GNPTG: variants seen among roughly 807,000 people sequenced by gnomAD.
GNPTG encodes N-acetylglucosamine-1-phosphate transferase subunit gamma.
In GNPTG, 46 loss-of-function variants were observed where a neutral mutation model predicts 43.8. The observed-to-expected ratio is 1.05, with a 90% CI of 0.83 to 1.34. The LOEUF (loss-of-function observed/expected upper bound fraction) is 1.34. Among genes scored for constraint, GNPTG ranks in the 40% most tolerant of loss-of-function variants. The probability of loss-of-function intolerance (pLI) is 0.00; values close to 1 mark genes in which losing one functional copy is unlikely to be tolerated. For synonymous variants in GNPTG, 250 were observed against 172.8 expected (o/e 1.45, Z -3.50); for missense variants, 549 against 411.3 (o/e 1.33, Z -2.90).
intron 3 of GNPTG, among the ~76,000 whole-genome samples, chr16:1,356,311 A>G (rs1289138688): frequency 2.6e-5 from 4 of 152,138 alleles, no homozygotes; most frequent in Non-Finnish European, 1.5e-5. Flanking sequence ...CGGAGCCTGC[A>G]GGGGACGTGC....
In GNPTG at chr16:1,354,896, G is replaced by A. The variant is rs1266715517; in HGVS notation, c.178+2590G>A. On this transcript the variant is annotated intron_variant, in intron 3 of 10. Coordinates refer to ENST00000204679, the MANE Select transcript of GNPTG (RefSeq NM_032520.5). ...TAGGGCTGGGCGTGGATACTCCCCC[G>A]CGTCTGTAGGGCCGGGCGTGGATTG... is the stretch of plus-strand genomic sequence containing the variant. Among the ~76,000 whole-genome samples the A allele has an allele frequency of 3.3e-5, 5 of 152,010 alleles. No homozygotes were observed. In the East Asian group the frequency reaches 7.7e-4, roughly 23 times the overall value.
In GNPTG at chr16:1,362,249, C is replaced by T. The variant is rs773268405; in HGVS notation, c.455C>T (p.Ser152Phe). 8.7e-6 allele frequency: 14 copies of T among 1,613,516 alleles called. No homozygotes were observed. The South Asian group carries it at 1.3e-4, about 15-fold the overall frequency. The change falls in exon 7 of 11, where the codon TCC (serine) becomes TTC (phenylalanine). Residue 152 changes from serine to phenylalanine, a missense_variant. By Grantham distance (155) the Ser-to-Phe change is radical (BLOSUM62 -2). Coordinates refer to ENST00000204679, the MANE Select transcript of GNPTG (RefSeq NM_032520.5). Reference sequence around the variant, plus strand: ...AAAAGCAACCGGCTGGCCCATGTGTCCGAGCCGAGCACCTGCGTCTACGCG... The same window carrying T: ...AAAAGCAACCGGCTGGCCCATGTGTTCGAGCCGAGCACCTGCGTCTACGCG... The part of the protein sequence containing the change: ...CGKSNRLAHV[S>F]EPSTCVYALT...
Position 1,352,158 on chromosome 16 carries a change from G to C in GNPTG, c.109G>C (p.Gly37Arg). The C allele has an allele frequency of 6.3e-7, 1 of 1,577,814 alleles. No homozygotes were observed. The highest frequency in any genetic ancestry group is 1.2e-5 in the South Asian group (1 of 86,470). Residue 37 changes from glycine (G) to arginine (R), a missense_variant and splice_region_variant, in exon 2 of 11, where the codon GGG becomes CGG. Transcript: ENST00000204679. ...MKVVEEPNAFGVNNPFLPQAS... is the reference protein window; with the variant it reads ...MKVVEEPNAFRVNNPFLPQAS... ...GGTGGTGGAGGAGCCCAACGCGTTT[G>C]GGTGAGCAGCCTCGCGGGCTGGCGG...
At position 1,363,336 on chromosome 16, in the gene GNPTG, A is replaced by ATGAT. The variant is rs1176558576; in HGVS notation, c.*247_*250dup. Reference sequence around the variant, plus strand: ...ACTTTAAACAGTTCGCTACAAGTAAATGATTATAAATACTACCTTCTGGGT... The same window carrying ATGAT: ...ACTTTAAACAGTTCGCTACAAGTAAATGATTGATTATAAATACTACCTTCTGGGT... On this transcript the variant is annotated 3_prime_UTR_variant, in exon 11 of 11. Transcript: ENST00000204679. The ATGAT allele has an allele frequency of 7.9e-6, 4 of 506,744 alleles. No homozygotes were observed. In the East Asian group the frequency reaches 1.5e-4, roughly 18 times the overall value. The allele number at this position is 506,744 out of a possible 1,614,324, so 31.4% of individuals were successfully genotyped here. A position where few individuals can be genotyped will look rare whatever the true frequency, so the allele number is the denominator to read the frequency against.
At position 1,352,236 on chromosome 16, in the gene GNPTG, T is replaced by C. The variant is rs753223909; in HGVS notation, c.111-3T>C. On this transcript the variant is annotated splice_region_variant and splice_polypyrimidine_tract_variant and intron_variant, in intron 2 of 10. Transcript: ENST00000204679. ...TCCCCGCTGACCTTGCCGCTTCCCG[T>C]AGGGTGAACAACCCGTTCTTGCCTC... 3 of 1,549,120 alleles carry C rather than the reference T, an allele frequency of 1.9e-6. No individual in the cohort carries two copies. The highest frequency in any genetic ancestry group is 3.9e-5 in the Admixed American group (2 of 51,026).
intron 3 of GNPTG, among the ~76,000 whole-genome samples, chr16:1,356,572 G>A (rs1039244045): frequency 6.6e-6 from 1 of 152,180 alleles, no homozygotes; most frequent in African/African-American, 2.4e-5. Context: ...ACTGCCAGTT[G>A]GGGGCTTGTG....
In GNPTG at chr16:1,361,804, G is replaced by T. The variant is rs9926432; in HGVS notation, c.233+7G>T. On this transcript the variant is annotated splice_region_variant and intron_variant, in intron 4 of 10. Coordinates refer to ENST00000204679, the MANE Select transcript of GNPTG (RefSeq NM_032520.5). ...TCAGCCTGGTGGAGTCCACGTGAGT[G>T]CAGGGTGGGTGCGAGGGTGGGCTGG... The T allele has an allele frequency of 2.7e-3, 4,334 of 1,613,938 alleles. 107 individuals are homozygous for T. The African/African-American group carries it at 0.047, about 18-fold the overall frequency.
intron 10 of GNPTG, 44 bp from the exon 11 acceptor site, chr16:1,362,953 A>C (rs1343535465): frequency 4.3e-6 from 7 of 1,613,828 alleles, no homozygotes; most frequent in Middle Eastern, 1.6e-4. Context: ...CACACTCGCC[A>C]CCTGTGGGTC....
In GNPTG at chr16:1,351,954, C is replaced by G. The variant is rs1215811678; in HGVS notation, c.-12C>G. ...TCACTTCACGTGACCGCGCGGCGGC[C>G]GCTGCGGCGCGATGGCGGCGGGGCT... On this transcript the variant is annotated 5_prime_UTR_variant, in exon 1 of 11. Coordinates refer to ENST00000204679, the MANE Select transcript of GNPTG (RefSeq NM_032520.5). 1.2e-5 allele frequency: 16 copies of G among 1,285,666 alleles called. No individual in the cohort carries two copies. Among genetic ancestry groups the G allele is most frequent in the Non-Finnish European group, 1.5e-5 (15 of 1,022,846 alleles). The allele number at this position is 1,285,666 out of a possible 1,614,324, so 79.6% of individuals were successfully genotyped here.
rs1555452081 is a variant in GNPTG at position 1,362,834 on chromosome 16, G to T, written c.751G>T (p.Glu251Ter). The change falls in exon 10 of 11, where the codon GAA (glutamate) becomes TAA (stop). Residue 251 changes from glutamate to a stop codon, truncating the protein, a stop_gained. Transcript: ENST00000204679. LOFTEE classifies it high-confidence loss of function. ...TTTTTGTGGTTGGTAGGCTCATAAA[G>T]AACTCTCAAAGGAGATCAAAAGGCT... ...TLENCRKAHK[E>*]LSKEIKRLKG... 1.2e-6 allele frequency: 2 copies of T among 1,613,990 alleles called. No homozygotes were observed. The highest frequency in any genetic ancestry group is 1.7e-6 in the Non-Finnish European group (2 of 1,180,012).
intron 3 of GNPTG, among the ~76,000 whole-genome samples, chr16:1,354,895 C>T (rs1198142143): frequency 2.0e-5 from 3 of 151,886 alleles, no homozygotes; most frequent in Admixed American, 2.0e-4. Context: ...GATACTCCCC[C>T]GCGTCTGTAG....
chr16:1,363,053 C>T lies in GNPTG; in HGVS notation c.880C>T (p.Gln294Ter), dbSNP rs780260521. The T allele has an allele frequency of 1.9e-6, 3 of 1,614,008 alleles. No homozygotes were observed. The highest frequency in any genetic ancestry group is 3.3e-5 in the Admixed American group (2 of 60,020). ...HETPRAKSPE[Q>*]LRGDPGLRGS... ...GACGCCCAGAGCCAAGTCTCCAGAGCAGCTGCGGGGTGACCCAGGACTGCG... is the reference window on the plus strand; with the variant it reads ...GACGCCCAGAGCCAAGTCTCCAGAGTAGCTGCGGGGTGACCCAGGACTGCG... Residue 294 changes from glutamine (Q) to a stop codon, truncating the protein, a stop_gained, in exon 11 of 11, where the codon CAG (glutamine) becomes TAG (stop). Coordinates refer to ENST00000204679, the MANE Select transcript of GNPTG (RefSeq NM_032520.5). LOFTEE classifies it high-confidence loss of function.
chr16:1,351,977 G>T lies in GNPTG; in HGVS notation c.12G>T (p.Gly4=). Residue 4 remains glycine, a synonymous_variant, in exon 1 of 11, where the codon GGG becomes GGT. Coordinates refer to ENST00000204679, the MANE Select transcript of GNPTG (RefSeq NM_032520.5). ...GCCGCTGCGGCGCGATGGCGGCGGG[G>T]CTGGCGCGGCTCCTGTTGCTCCTCG... is the stretch of plus-strand genomic sequence containing the variant. MAA[G]LARLLLLLGL... is the part of the protein sequence containing the mutation. 2.2e-6 allele frequency: 3 copies of T among 1,370,436 alleles called. No individual in the cohort carries two copies. Among genetic ancestry groups the T allele is most frequent in the Non-Finnish European group, 2.8e-6 (3 of 1,063,414 alleles). The allele number at this position is 1,370,436 out of a possible 1,614,324, so 84.9% of individuals were successfully genotyped here. A position where few individuals can be genotyped will look rare whatever the true frequency, so the allele number is the denominator to read the frequency against.
In GNPTG at chr16:1,351,981, G is replaced by A. The variant is rs1243134852; in HGVS notation, c.16G>A (p.Ala6Thr). Residue 6 changes from alanine (A) to threonine (T), a missense_variant, in exon 1 of 11, where the codon GCG becomes ACG. Transcript: ENST00000204679. MAAGL[A>T]RLLLLLGLSA... ...CTGCGGCGCGATGGCGGCGGGGCTGGCGCGGCTCCTGTTGCTCCTCGGGCT... is the reference window on the plus strand; with the variant it reads ...CTGCGGCGCGATGGCGGCGGGGCTGACGCGGCTCCTGTTGCTCCTCGGGCT... The A allele has an allele frequency of 4.3e-6, 6 of 1,386,426 alleles. No individual in the cohort carries two copies. The South Asian group carries it at 7.9e-5, about 18-fold the overall frequency. 85.9% of individuals were successfully genotyped at this position (1,386,426 alleles called of 1,614,324 possible).
At chr16:1,360,088 C>A (rs972070612) in intron 3 of GNPTG, among the ~76,000 whole-genome samples, 1 of 151,036 alleles carries the variant, frequency 6.6e-6, no homozygotes, top group African/African-American at 2.4e-5. Flanking sequence ...AGCCTGGCGA[C>A]AATGCTAGAC....
chr16:1,355,095 G>A (rs1015395715), intron 3 of GNPTG, among the ~76,000 whole-genome samples: 1 of 150,806 alleles, frequency 6.6e-6, no homozygotes, highest in African/African-American at 2.5e-5. Flanking sequence ...GGTCTCCCGC[G>A]TCTGCGGGGT....
chr16:1,354,905 G>A (rs1775158481), intron 3 of GNPTG, among the ~76,000 whole-genome samples: 1 of 152,150 alleles, frequency 6.6e-6, no homozygotes, highest in Non-Finnish European at 1.5e-5. Flanking sequence ...CGCGTCTGTA[G>A]GGCCGGGCGT....
At chr16:1,359,352 T>C (rs992390149) in intron 3 of GNPTG, among the ~76,000 whole-genome samples, 2 of 152,008 alleles carry the variant, frequency 1.3e-5, no homozygotes, top group Non-Finnish European at 2.9e-5. Context: ...CGGCAACCTC[T>C]CCACCTCCCA....
intron 3 of GNPTG, among the ~76,000 whole-genome samples, chr16:1,354,243 G>A (rs1052675359): frequency 6.6e-6 from 1 of 152,086 alleles, no homozygotes; most frequent in East Asian, 1.9e-4. Flanking sequence ...GAGAGAGGCA[G>A]CCTTGGCTAA....
Sources: allele counts gnomAD v4.1 joint callset (sites outside exome capture counted in the v4.1 genomes callset), GRCh38; gene constraint gnomAD v4.1.1; transcripts MANE v1.5; gene names NCBI Gene and HGNC (gene_info 2026-07-23, HGNC 2026-07-21).